Variants in PDSS2 observed in about 807,000 individuals in gnomAD.
PDSS2 encodes decaprenyl diphosphate synthase subunit 2.
Under a neutral mutation model 44.5 loss-of-function variants are expected in PDSS2, and 31 were observed. The ratio of observed to expected loss-of-function variants is 0.70; its 90% CI spans 0.52 to 0.94. The LOEUF (loss-of-function observed/expected upper bound fraction) is 0.94. PDSS2 is among the 40% of genes least tolerant of loss of function. The pLI, the probability that PDSS2 is intolerant of heterozygous loss-of-function variation, is 0.00. For missense variants in PDSS2, 452 were observed against 482.2 expected, an observed-to-expected ratio of 0.94 and a Z score of 0.59; for synonymous variants, 157 against 180.3, an observed-to-expected ratio of 0.87 and a Z score of 1.03.
chr6:107,378,395 A>T (rs1166188774), intron 1 of PDSS2, among the ~76,000 whole-genome samples: 1 of 152,150 alleles, frequency 6.6e-6, no homozygotes, highest in Non-Finnish European at 1.5e-5. Context: ...AAACCAATAA[A>T]TGAGTTTAGC....
chr6:107,288,644 G>A (rs1303458021), intron 2 of PDSS2, among the ~76,000 whole-genome samples: 2 of 151,778 alleles, frequency 1.3e-5, no homozygotes, highest in Non-Finnish European at 2.9e-5. Flanking sequence ...GATTGGACTT[G>A]TGACTGAAGA....
chr6:107,169,342 G>A (rs1268209123), intron 7 of PDSS2, among the ~76,000 whole-genome samples: 3 of 151,934 alleles, frequency 2.0e-5, no homozygotes, highest in African/African-American at 7.2e-5. Flanking sequence ...GTCATTTAAG[G>A]ACTTCTCTAC....
intron 1 of PDSS2, among the ~76,000 whole-genome samples, chr6:107,403,270 A>G (rs533632171): frequency 6.6e-6 from 1 of 152,298 alleles, no homozygotes; most frequent in South Asian, 2.1e-4. Flanking sequence ...CTTTGACTCC[A>G]TGTCTCACAT....
chr6:107,363,667 G>A (rs1778858219), intron 1 of PDSS2, among the ~76,000 whole-genome samples: 1 of 152,284 alleles, frequency 6.6e-6, no homozygotes, highest in East Asian at 1.9e-4. Flanking sequence ...GGACCCGAGC[G>A]GGTTGCCAAT....
chr6:107,316,610 A>G (rs894495962), intron 2 of PDSS2, among the ~76,000 whole-genome samples: 1 of 152,152 alleles, frequency 6.6e-6, no homozygotes, highest in Non-Finnish European at 1.5e-5. Context: ...CTCTTTTAGT[A>G]TAACAGATTT....
chr6:107,364,139 C>T (rs1201934417), intron 1 of PDSS2, among the ~76,000 whole-genome samples: 1 of 152,236 alleles, frequency 6.6e-6, no homozygotes, highest in East Asian at 1.9e-4. Flanking sequence ...GATATAAAGA[C>T]TCTCCACGTC....
chr6:107,204,071 T>C (rs569742138), intron 6 of PDSS2, among the ~76,000 whole-genome samples: 15 of 152,106 alleles, frequency 9.9e-5, no homozygotes, highest in Non-Finnish European at 2.1e-4. Flanking sequence ...GCCTCCCAAG[T>C]AGCTGGGACT....
intron 7 of PDSS2, among the ~76,000 whole-genome samples, chr6:107,156,338 G>T (rs1770895781): frequency 1.3e-5 from 2 of 151,834 alleles, no homozygotes; most frequent in South Asian, 4.2e-4. Context: ...GGGACTACAG[G>T]TACCCACCAC....
intron 1 of PDSS2, among the ~76,000 whole-genome samples, chr6:107,359,212 A>C (rs1778688548): frequency 6.6e-6 from 1 of 151,186 alleles, no homozygotes; most frequent in African/African-American, 2.4e-5. Flanking sequence ...GGGCTTCATC[A>C]TGTTGGCCAG....
At chr6:107,304,778 T>C (rs1224910588) in intron 2 of PDSS2, among the ~76,000 whole-genome samples, 1 of 152,220 alleles carries the variant, frequency 6.6e-6, no homozygotes, top group Non-Finnish European at 1.5e-5. Context: ...ACCAACTATC[T>C]GGTAAGTATC....
intron 7 of PDSS2, among the ~76,000 whole-genome samples, chr6:107,167,420 A>C (rs1367302691): frequency 3.9e-5 from 6 of 152,058 alleles, no homozygotes; most frequent in African/African-American, 1.4e-4. Flanking sequence ...TGATCTTTTC[A>C]AAAAACTAGC....
intron 4 of PDSS2, among the ~76,000 whole-genome samples, chr6:107,223,076 G>C (rs184174063): frequency 1.3e-5 from 2 of 149,648 alleles, no homozygotes; most frequent in Non-Finnish European, 2.9e-5. Context: ...AGCCTCCTGA[G>C]TAGCTGGGAT....
rs1351562494 is a variant in PDSS2 at position 107,429,898 on chromosome 6, AAAAATATATATATAT to A, written c.296+29077_296+29091del. 3.4e-3 allele frequency among the ~76,000 whole-genome samples: 147 copies of A among 42,930 alleles called. 10 individuals are homozygous for A. Among genetic ancestry groups the A allele is most frequent in the East Asian group, 0.027 (30 of 1,102 alleles). 28.2% of individuals were successfully genotyped at this position (42,930 alleles called of 152,430 possible). A position where few individuals can be genotyped will look rare whatever the true frequency, so the allele number is the denominator to read the frequency against. ...AAACTTAGTCTCAAAAAAAAAAAAA[AAAAATATATATATAT>A]ATATATATATATATATATATATATA... On this transcript the variant is annotated intron_variant, in intron 1 of 7. Transcript: ENST00000369037.
chr6:107,292,725 T>C lies in PDSS2; in HGVS notation c.432-18498A>G, dbSNP rs561096278. Among the ~76,000 whole-genome samples, 40 of 152,304 alleles carry C rather than the reference T, an allele frequency of 2.6e-4. 1 individual carries two copies. Among genetic ancestry groups the C allele is most frequent in the African/African-American group, 9.4e-4 (39 of 41,562 alleles). On this transcript the variant is annotated intron_variant, in intron 2 of 7. Coordinates refer to ENST00000369037, the MANE Select transcript of PDSS2 (RefSeq NM_020381.4). ...AATAACTGAGACATACACTTGATAC[T>C]GTCAACACATAATTATCCTGCAGGT...
At chr6:107,396,065 T>C (rs1779930065) in intron 1 of PDSS2, among the ~76,000 whole-genome samples, 1 of 152,204 alleles carries the variant, frequency 6.6e-6, no homozygotes, top group South Asian at 2.1e-4. Flanking sequence ...TTCACTCTAA[T>C]GGGAACTCAA....
chr6:107,158,083 C>T (rs1254615168), intron 7 of PDSS2, among the ~76,000 whole-genome samples: 1 of 152,064 alleles, frequency 6.6e-6, no homozygotes, highest in African/African-American at 2.4e-5. Context: ...CTGATTTATT[C>T]CTCTAATTAT....
chr6:107,273,131 C>T (rs1375007826), intron 3 of PDSS2, among the ~76,000 whole-genome samples: 2 of 151,798 alleles, frequency 1.3e-5, no homozygotes, highest in South Asian at 2.1e-4. Flanking sequence ...ATTATAGGCA[C>T]GCGCCACCAC....
intron 7 of PDSS2, among the ~76,000 whole-genome samples, chr6:107,174,257 A>G (rs1270968024): frequency 4.6e-5 from 7 of 152,206 alleles, no homozygotes; most frequent in Non-Finnish European, 1.0e-4. Flanking sequence ...GGAAGAAGGA[A>G]CAGTCCTGTT....
intron 1 of PDSS2, among the ~76,000 whole-genome samples, chr6:107,374,858 T>C (rs1282602046): frequency 1.3e-5 from 2 of 152,154 alleles, no homozygotes; most frequent in Admixed American, 1.3e-4. Flanking sequence ...TTCTCATATA[T>C]TTATAATTTC....
Sources: allele counts gnomAD v4.1 joint callset (sites outside exome capture counted in the v4.1 genomes callset), GRCh38; gene constraint gnomAD v4.1.1; transcripts MANE v1.5; gene names NCBI Gene and HGNC (gene_info 2026-07-23, HGNC 2026-07-21).